The following MECOM variants were observed in gnomAD, a reference collection of about 807,000 sequenced individuals.
MECOM encodes histone-lysine N-methyltransferase MECOM.
MECOM carries 13 observed loss-of-function variants against 116.3 expected under a neutral mutation model. The ratio of observed to expected loss-of-function variants is 0.11; its 90% CI spans 0.07 to 0.18. MECOM has a LOEUF of 0.18. MECOM is among the 10% of genes least tolerant of loss of function. The pLI is 1.00. For missense variants in MECOM, 1,299 were observed against 1,509.0 expected (o/e 0.86, Z 2.31); for synonymous variants, 528 against 535.2 (o/e 0.99, Z 0.19).
At chr3:169,394,919 T>C (rs1324268065) in intron 1 of MECOM, among the ~76,000 whole-genome samples, 1 of 152,114 alleles carries the variant, frequency 6.6e-6, no homozygotes, top group Non-Finnish European at 1.5e-5. Flanking sequence ...TTAGATAGCT[T>C]AAAGGGTCAA....
At chr3:169,606,763 C>T (rs1489421026) in intron 1 of MECOM, among the ~76,000 whole-genome samples, 3 of 152,204 alleles carry the variant, frequency 2.0e-5, no homozygotes, top group Non-Finnish European at 4.4e-5. Flanking sequence ...AGAGCTGACT[C>T]ACTACCATCC....
Position 169,102,047 on chromosome 3 carries a change from A to G in MECOM, c.2771+13T>C. The G allele has an allele frequency of 6.3e-7, 1 of 1,599,502 alleles. No homozygotes were observed. The highest frequency in any genetic ancestry group is 8.5e-7 in the Non-Finnish European group (1 of 1,172,806). ...ATTTCTGGAAAGTCAGCCATAATTAACTGTGCAGTTACCTGCAGGTATAGC... is the reference window on the plus strand; with the variant it reads ...ATTTCTGGAAAGTCAGCCATAATTAGCTGTGCAGTTACCTGCAGGTATAGC... On this transcript the variant is annotated intron_variant, in intron 11 of 16. Transcript: ENST00000651503.
At chr3:169,491,811 A>G (rs1753126613) in intron 1 of MECOM, among the ~76,000 whole-genome samples, 1 of 152,254 alleles carries the variant, frequency 6.6e-6, no homozygotes, top group African/African-American at 2.4e-5. Context: ...AATCAGAAAC[A>G]TGGGATCTCC....
chr3:169,339,340 G>A (rs1312922734), intron 2 of MECOM, among the ~76,000 whole-genome samples: 8 of 152,294 alleles, frequency 5.3e-5, no homozygotes, highest in South Asian at 2.1e-4. Context: ...TCAGAAACTC[G>A]GGGATGGGGC....
chr3:169,333,289 A>G (rs1039647387), intron 2 of MECOM, among the ~76,000 whole-genome samples: 5 of 152,176 alleles, frequency 3.3e-5, no homozygotes, highest in African/African-American at 1.2e-4. Flanking sequence ...AACCCCATCA[A>G]CTGCACCATG....
chr3:169,528,146 A>G (rs116025901), intron 1 of MECOM, among the ~76,000 whole-genome samples: 2,808 of 152,336 alleles, frequency 0.018, 30 homozygotes, highest in Middle Eastern at 0.037. Flanking sequence ...AAACGGAAAT[A>G]ATGAAATGTT....
At chr3:169,498,900 T>C (rs917069180) in intron 1 of MECOM, among the ~76,000 whole-genome samples, 1 of 151,886 alleles carries the variant, frequency 6.6e-6, no homozygotes, top group East Asian at 1.9e-4. Context: ...ACAATACTTA[T>C]GAAAAAAACC....
At chr3:169,522,531 GTATGA>G (rs1385014984) in intron 1 of MECOM, among the ~76,000 whole-genome samples, 5 of 152,194 alleles carry the variant, frequency 3.3e-5, no homozygotes, top group Non-Finnish European at 7.3e-5. Context: ...AAGAGCCAAT[GTATGA>G]TAAGTGACCT....
chr3:169,088,497 C>G (rs1718594942), intron 16 of MECOM, among the ~76,000 whole-genome samples: 1 of 152,136 alleles, frequency 6.6e-6, no homozygotes, highest in South Asian at 2.1e-4. Flanking sequence ...CCTTTGGCAA[C>G]TCACTTCCTT....
rs1759560139 is a variant in MECOM at position 169,537,717 on chromosome 3, T to TA, written c.37+125618_37+125619insT. Among the ~76,000 whole-genome samples the TA allele has an allele frequency of 2.4e-5, 3 of 126,750 alleles. No individual in the cohort carries two copies. The Admixed American group carries it at 2.6e-4, about 11-fold the overall frequency. The allele number at this position is 126,750 out of a possible 152,430, so 83.2% of individuals were successfully genotyped here. On this transcript the variant is annotated intron_variant, in intron 1 of 16. Coordinates refer to ENST00000651503, the MANE Select transcript of MECOM (RefSeq NM_004991.4). ...TGATATAGTACATGCAGCAGAACAT[T>TA]TAAAAAAAAAAAAAAACTTACCCAA... is the stretch of plus-strand genomic sequence containing the variant.
chr3:169,460,989 C>G (rs892352123), intron 1 of MECOM, among the ~76,000 whole-genome samples: 3 of 152,142 alleles, frequency 2.0e-5, no homozygotes, highest in Non-Finnish European at 4.4e-5. Flanking sequence ...TGGTGCCCTC[C>G]TTGCCTTCCT....
intron 7 of MECOM, 40 bp from the exon 8 acceptor site, chr3:169,116,779 C>T (rs756279392): frequency 6.5e-7 from 1 of 1,532,112 alleles, no homozygotes. Flanking sequence ...GGCTTTATGT[C>T]AATTGCTTCT....
chr3:169,144,519 A>C (rs1739130483), intron 2 of MECOM, among the ~76,000 whole-genome samples: 1 of 152,204 alleles, frequency 6.6e-6, no homozygotes, highest in African/African-American at 2.4e-5. Flanking sequence ...AAAATATATT[A>C]AAATACTGTA....
chr3:169,349,042 G>A (rs1198553230), intron 2 of MECOM, among the ~76,000 whole-genome samples: 1 of 151,544 alleles, frequency 6.6e-6, no homozygotes, highest in Non-Finnish European at 1.5e-5. Context: ...ATAAAGTCAT[G>A]TTCACCCCCA....
intron 2 of MECOM, among the ~76,000 whole-genome samples, chr3:169,278,350 A>G (rs1339540704): frequency 6.6e-6 from 1 of 152,250 alleles, no homozygotes; most frequent in East Asian, 1.9e-4. Context: ...GTCCAGTTCT[A>G]CAAGTCATTT....
intron 1 of MECOM, among the ~76,000 whole-genome samples, chr3:169,488,194 C>T (rs550126699): frequency 6.6e-6 from 1 of 151,978 alleles, no homozygotes; most frequent in East Asian, 1.9e-4. Flanking sequence ...GCATAATTAA[C>T]AAGTTTGATC....
At chr3:169,587,805 T>C (rs1029440492) in intron 1 of MECOM, among the ~76,000 whole-genome samples, 7 of 152,168 alleles carry the variant, frequency 4.6e-5, no homozygotes, top group African/African-American at 1.7e-4. Context: ...TGCGTCTCCA[T>C]GTCTTTTATC....
At chr3:169,392,322 G>C (rs971459001) in intron 1 of MECOM, among the ~76,000 whole-genome samples, 2 of 152,174 alleles carry the variant, frequency 1.3e-5, no homozygotes, top group Non-Finnish European at 2.9e-5. Context: ...GACTTCACTA[G>C]TTTTGTGTGA....
chr3:169,531,324 AG>A (rs1758598549), intron 1 of MECOM, among the ~76,000 whole-genome samples: 1 of 152,222 alleles, frequency 6.6e-6, no homozygotes, highest in Admixed American at 6.5e-5. Flanking sequence ...ACCAATGCAG[AG>A]GAAGAGAAGC....
Sources: gnomAD v4.1 joint callset for allele counts (sites outside exome capture counted in the v4.1 genomes callset) on GRCh38, gnomAD v4.1.1 for gene constraint, MANE v1.5 for transcripts, NCBI Gene and HGNC (gene_info 2026-07-23, HGNC 2026-07-21) for gene names.